The following CSF1R variants were observed in gnomAD, a reference collection of about 807,000 sequenced individuals.
CSF1R encodes macrophage colony-stimulating factor 1 receptor.
In CSF1R, 40 loss-of-function variants were observed where a neutral mutation model predicts 110.0. The observed-to-expected ratio is 0.36, with a 90% CI of 0.28 to 0.47. CSF1R has a LOEUF of 0.47. Among genes scored for constraint, CSF1R ranks in the 20% least tolerant of loss-of-function variants. The pLI is 0.99. For synonymous variants in CSF1R, 523 were observed against 503.4 expected (o/e 1.04, Z -0.52); for missense variants, 1,052 against 1,253.0 (o/e 0.84, Z 2.42).
intron 1 of CSF1R, among the ~76,000 whole-genome samples, chr5:150,082,793 G>A (rs191139119): frequency 1.3e-4 from 20 of 152,368 alleles, no homozygotes; most frequent in Admixed American, 3.3e-4. Flanking sequence ...TGAAGGTTGA[G>A]TGAGATGATG....
intron 1 of CSF1R, among the ~76,000 whole-genome samples, chr5:150,092,043 AT>A (rs1184144741): frequency 6.6e-6 from 1 of 152,090 alleles, no homozygotes; most frequent in Non-Finnish European, 1.5e-5. Context: ...ACATTGAAAA[AT>A]TTTTTTCCTG....
intron 10 of CSF1R, 74 bp downstream of exon 10, chr5:150,068,141 T>C (rs1388202141): frequency 1.7e-6 from 2 of 1,152,404 alleles, no homozygotes; most frequent in Non-Finnish European, 2.5e-6. Flanking sequence ...GAAGGGTGAA[T>C]CCATGCAGCC....
Position 150,073,420 on chromosome 5 carries a change from G to T in CSF1R, c.963C>A (p.Leu321=). Residue 321 remains leucine, a synonymous_variant, in exon 6 of 21, where the codon CTC becomes CTA. Coordinates refer to ENST00000675795, the MANE Select transcript of CSF1R (RefSeq NM_001288705.3). ...CTGGGTAGGCCTCCACCATGACTTT[G>T]AGGTTGAGCCCCTCCCCCACGGTCA... The part of the protein sequence containing the change: ...QEVTVGEGLN[L]KVMVEAYPGL... The T allele has an allele frequency of 1.2e-6, 2 of 1,614,122 alleles. No homozygotes were observed. The highest frequency in any genetic ancestry group is 1.7e-6 in the Non-Finnish European group (2 of 1,180,032).
At chr5:150,079,847 G>C (rs1330535490) in intron 3 of CSF1R, among the ~76,000 whole-genome samples, 1 of 152,158 alleles carries the variant, frequency 6.6e-6, no homozygotes, top group Non-Finnish European at 1.5e-5. Context: ...TGAGTTATTT[G>C]CTCACATGTG....
chr5:150,073,659 C>G (rs1469740953), intron 5 of CSF1R, among the ~76,000 whole-genome samples, 166 bp from the exon 6 acceptor site: 4 of 152,194 alleles, frequency 2.6e-5, no homozygotes, highest in Admixed American at 6.5e-5. Flanking sequence ...CTCACCACCC[C>G]CTTCAGAATC....
rs920695853 is a variant in CSF1R at position 150,056,333 on chromosome 5, G to A, written c.2328C>T (p.His776=). The A allele has an allele frequency of 1.9e-6, 3 of 1,614,182 alleles. No homozygotes were observed. The highest frequency in any genetic ancestry group is 1.6e-4 in the Middle Eastern group (1 of 6,062). ...GCACGTTACGCGCTGCCACGTCCCGGTGGATGCACTGAGGGAAAGCACTGC... is the reference window on the plus strand; with the variant it reads ...GCACGTTACGCGCTGCCACGTCCCGATGGATGCACTGAGGGAAAGCACTGC... The part of the protein sequence containing the change: ...MAFLASKNCI[H]RDVAARNVLL... Residue 776 remains histidine, a synonymous_variant, in exon 17 of 21, where the codon CAC becomes CAT. Transcript: ENST00000675795.
At chr5:150,072,835 AG>A (rs2113814204) in intron 6 of CSF1R, among the ~76,000 whole-genome samples, 1 of 152,340 alleles carries the variant, frequency 6.6e-6, no homozygotes, top group African/African-American at 2.4e-5. Context: ...AATCCTTTAA[AG>A]AACATTTCAT....
chr5:150,077,988 G>A, intron 4 of CSF1R, 124 bp downstream of exon 4: 1 of 1,260,578 alleles, frequency 7.9e-7, no homozygotes, highest in South Asian at 1.4e-5. Flanking sequence ...CCCCTCTCTG[G>A]AGTCTGAGCT....
intron 1 of CSF1R, among the ~76,000 whole-genome samples, chr5:150,081,968 C>A (rs954698302): frequency 6.6e-6 from 1 of 152,214 alleles, no homozygotes; most frequent in East Asian, 1.9e-4. Context: ...GGCTGCCAGG[C>A]GCCCCCCAGC....
In CSF1R at chr5:150,106,240, G is replaced by A. The variant is rs145928646; in HGVS notation, c.-181+7021C>T. Among the ~76,000 whole-genome samples the A allele has an allele frequency of 1.6e-3, 246 of 152,336 alleles. 2 individuals carry two copies. The highest frequency in any genetic ancestry group is 5.7e-3 in the African/African-American group (237 of 41,564). On this transcript the variant is annotated intron_variant, in intron 1 of 21. Coordinates refer to the CSF1R transcript ENST00000286301. ...CCAGATTGACATTACCCCTTCCTGT[G>A]GCAGAGGAACTTTGAGAGGAGTTTG...
At chr5:150,056,169 C>A (rs760846210) in intron 17 of CSF1R, 32 bp from the exon 18 acceptor site, 2 of 1,614,052 alleles carry the variant, frequency 1.2e-6, no homozygotes, top group Non-Finnish European at 1.7e-6. Context: ...ATTTTGGGCC[C>A]CGACTCTTCA....
At chr5:150,090,618 T>C (rs961726638), upstream of CSF1R, among the ~76,000 whole-genome samples, 4 of 152,228 alleles carry the variant, frequency 2.6e-5, no homozygotes, top group South Asian at 2.1e-4. Context: ...AGCCACTCTA[T>C]TGTCCCTCAC....
intron 10 of CSF1R, among the ~76,000 whole-genome samples, chr5:150,063,695 G>T (rs981449595): frequency 2.0e-5 from 3 of 152,142 alleles, no homozygotes; most frequent in African/African-American, 7.2e-5. Flanking sequence ...TTGCCCAGGG[G>T]TCAGCTGCTG....
intron 6 of CSF1R, among the ~76,000 whole-genome samples, chr5:150,072,805 T>C (rs1581310814): frequency 1.3e-5 from 2 of 152,172 alleles, no homozygotes; most frequent in African/African-American, 4.8e-5. Context: ...AGTGAGAAAT[T>C]CTTGGGGCTG....
chr5:150,074,557 G>A (rs1351989799), intron 5 of CSF1R, among the ~76,000 whole-genome samples: 2 of 152,064 alleles, frequency 1.3e-5, no homozygotes, highest in Non-Finnish European at 2.9e-5. Context: ...ATTGTGGCAA[G>A]AACCCCAATT....
chr5:150,090,921 C>T (rs1759017960), upstream of CSF1R, among the ~76,000 whole-genome samples: 1 of 152,184 alleles, frequency 6.6e-6, no homozygotes, highest in Admixed American at 6.5e-5. Flanking sequence ...GCCAAATTCA[C>T]CATTATGCAA....
chr5:150,080,786 G>A lies in CSF1R; in HGVS notation c.288C>T (p.Ala96=), dbSNP rs781313374. 6.2e-7 allele frequency: 1 copy of A among 1,614,144 alleles called. No homozygotes were observed. The highest frequency in any genetic ancestry group is 8.5e-7 in the Non-Finnish European group (1 of 1,179,996). ...EPGDPLGGSA[A]IHLYVKDPAR... ...CCTCACCTTTGACATAGAGGTGGATGGCGGCGCTGCCTCCCAGGGGGTCTC... is the reference window on the plus strand; with the variant it reads ...CCTCACCTTTGACATAGAGGTGGATAGCGGCGCTGCCTCCCAGGGGGTCTC... The change falls in exon 2 of 21, where the codon GCC becomes GCT. Residue 96 remains alanine (A), a synonymous_variant. Transcript: ENST00000675795.
chr5:150,096,520 A>T (rs1277676734), intron 1 of CSF1R, among the ~76,000 whole-genome samples: 3 of 152,242 alleles, frequency 2.0e-5, no homozygotes, highest in African/African-American at 4.8e-5. Flanking sequence ...CCACACAAAG[A>T]TATTGCAAGA....
chr5:150,097,136 C>T (rs536336128), intron 1 of CSF1R, among the ~76,000 whole-genome samples: 92 of 152,136 alleles, frequency 6.0e-4, no homozygotes, highest in Non-Finnish European at 8.5e-4. Context: ...GTGATGCACA[C>T]CTATAGTCCT....
Sources: allele counts gnomAD v4.1 joint callset (sites outside exome capture counted in the v4.1 genomes callset), GRCh38; gene constraint gnomAD v4.1.1; transcripts MANE v1.5; gene names NCBI Gene and HGNC (gene_info 2026-07-23, HGNC 2026-07-21).